The following SLC9B2 variants were observed in gnomAD, a reference collection of about 807,000 sequenced individuals.
SLC9B2 encodes solute carrier family 9 member B2, also known as sodium/hydrogen exchanger 9B2.
In SLC9B2, 39 loss-of-function variants were observed where a neutral mutation model predicts 52.2. The observed-to-expected ratio is 0.75, with a 90% CI of 0.58 to 0.98. SLC9B2 has a LOEUF of 0.98. SLC9B2 is among the 50% of genes least tolerant of loss of function. The probability of loss-of-function intolerance (pLI) is 0.00; values close to 1 mark genes in which losing one functional copy is unlikely to be tolerated. For missense variants in SLC9B2, 626 were observed against 637.5 expected, an observed-to-expected ratio of 0.98 and a Z score of 0.19; for synonymous variants, 214 against 227.0, an observed-to-expected ratio of 0.94 and a Z score of 0.51.
chr4:103,075,441 G>T (rs760851268), intron 1 of SLC9B2, among the ~76,000 whole-genome samples: 49 of 152,172 alleles, frequency 3.2e-4, no homozygotes, highest in Non-Finnish European at 1.9e-4. Context: ...GGTGTGATAG[G>T]CACAAGAGTA....
In SLC9B2 at chr4:103,024,056, G is replaced by A. The variant is rs1741998662; in HGVS notation, c.*2314C>T. Reference sequence around the variant, plus strand: ...GCTGTGCCTAAACTCCACCACCCTTGGATTGATTGAGTGCTCCTGCCATGA... The same window carrying A: ...GCTGTGCCTAAACTCCACCACCCTTAGATTGATTGAGTGCTCCTGCCATGA... On this transcript the variant is annotated 3_prime_UTR_variant, in exon 12 of 12. Transcript: ENST00000394785. Among the ~76,000 whole-genome samples, 2 of 152,050 alleles carry A rather than the reference G, an allele frequency of 1.3e-5. No individual in the cohort carries two copies. Among genetic ancestry groups the A allele is most frequent in the South Asian group, 4.1e-4 (2 of 4,824 alleles).
chr4:103,026,353 A>C lies in SLC9B2; in HGVS notation c.*17T>G, dbSNP rs773283171. On this transcript the variant is annotated 3_prime_UTR_variant, in exon 12 of 12. Transcript: ENST00000394785. ...CAGCTTTCTAAACATTATGTTCAGCACTCTCTCTTTTCACCTCTAAACTTG... is the reference window on the plus strand; with the variant it reads ...CAGCTTTCTAAACATTATGTTCAGCCCTCTCTCTTTTCACCTCTAAACTTG... 6.3e-7 allele frequency: 1 copy of C among 1,584,698 alleles called. No homozygotes were observed. The highest frequency in any genetic ancestry group is 8.6e-7 in the Non-Finnish European group (1 of 1,161,390).
At chr4:103,071,302 C>T (rs1215865262) in intron 1 of SLC9B2, among the ~76,000 whole-genome samples, 1 of 151,696 alleles carries the variant, frequency 6.6e-6, no homozygotes, top group Non-Finnish European at 1.5e-5. Context: ...CTCCTCGGTT[C>T]AAGTGATTCT....
downstream of SLC9B2, among the ~76,000 whole-genome samples, chr4:103,018,657 C>A (rs866988560): frequency 1.0e-5 from 1 of 98,566 alleles, no homozygotes; most frequent in Non-Finnish European, 1.9e-5. Context: ...CTCTAGGACA[C>A]CCATAGAGGG....
rs78982276 is a variant in SLC9B2 at position 103,024,268 on chromosome 4, G to A, written c.*2102C>T. 2.8e-3 allele frequency among the ~76,000 whole-genome samples: 419 copies of A among 152,220 alleles called. 3 individuals are homozygous for A. Among genetic ancestry groups the A allele is most frequent in the African/African-American group, 9.8e-3 (406 of 41,544 alleles). On this transcript the variant is annotated 3_prime_UTR_variant, in exon 12 of 12. Coordinates refer to ENST00000394785, the MANE Select transcript of SLC9B2 (RefSeq NM_178833.7). The stretch of plus-strand genomic sequence containing the variant: ...TATTTTTTGGATGCATCTACTTTTA[G>A]AGCCTGCAAAAATAGAGGACCAGAT...
intron 9 of SLC9B2, among the ~76,000 whole-genome samples, chr4:103,037,356 GGTTTT>G (rs1454425177): frequency 6.6e-6 from 1 of 152,150 alleles, no homozygotes; most frequent in African/African-American, 2.4e-5. Context: ...TGGTAAAATT[GGTTTT>G]GTTATTTGTC....
At position 103,057,866 on chromosome 4, in the gene SLC9B2, A is replaced by C. The variant is rs775500053; in HGVS notation, c.377T>G (p.Ile126Ser). The change falls in exon 4 of 12, where the codon ATC (isoleucine) becomes AGC (serine). Residue 126 changes from isoleucine (I) to serine (S), a missense_variant. Coordinates refer to ENST00000394785, the MANE Select transcript of SLC9B2 (RefSeq NM_178833.7). ...AAGCCCCAAAAGTTTACCACCAATGATGGCACAATAGAATAGGATTATAAT... is the reference window on the plus strand; with the variant it reads ...AAGCCCCAAAAGTTTACCACCAATGCTGGCACAATAGAATAGGATTATAAT... ...FGIIILFYCA[I>S]IGGKLLGLIK... is the part of the protein sequence containing the mutation. 14 of 1,613,788 alleles carry C rather than the reference A, an allele frequency of 8.7e-6. No individual in the cohort carries two copies. The highest frequency in any genetic ancestry group is 1.2e-5 in the Non-Finnish European group (14 of 1,179,934).
In SLC9B2 at chr4:103,028,901, T is replaced by C. The variant is rs534306608; in HGVS notation, c.1256-18A>G. The C allele has an allele frequency of 4.1e-5, 62 of 1,512,472 alleles. No individual in the cohort carries two copies. The Admixed American group carries it at 8.6e-4, about 21-fold the overall frequency. The allele number at this position is 1,512,472 out of a possible 1,614,324, so 93.7% of individuals were successfully genotyped here. On this transcript the variant is annotated intron_variant, in intron 10 of 11. Transcript: ENST00000394785. ...ACAAAGGCCTGTAAGAAATATTCAA[T>C]TTTTAGAAATAATAAAATACTAGGA...
intron 3 of SLC9B2, among the ~76,000 whole-genome samples, chr4:103,065,023 G>C (rs568092333): frequency 6.6e-6 from 1 of 151,972 alleles, no homozygotes; most frequent in Admixed American, 6.6e-5. Context: ...AGGAGTTCAA[G>C]ACAAACCTGG....
Position 103,044,946 on chromosome 4 carries a change from C to T in SLC9B2, c.940G>A (p.Val314Met), listed in dbSNP as rs753541127. 7.4e-6 allele frequency: 12 copies of T among 1,613,888 alleles called. No homozygotes were observed. Among genetic ancestry groups the T allele is most frequent in the South Asian group, 2.2e-5 (2 of 91,068 alleles). ...AATCCAAGAACAGATCCAGTTGCCA[C>T]ACCAATTACCACCTCCAAAACTCCT... is the stretch of plus-strand genomic sequence containing the variant. ...LRGVLEVVIG[V>M]ATGSVLGFFI... Residue 314 changes from valine to methionine, a missense_variant, in exon 8 of 12, where the codon GTG becomes ATG. Val to Met is a conservative substitution (Grantham distance 21). Transcript: ENST00000394785.
Position 103,026,586 on chromosome 4 carries a change from T to A in SLC9B2, c.1398A>T (p.Ala466=). Residue 466 remains alanine, a synonymous_variant, in exon 12 of 12, where the codon GCA becomes GCT. Coordinates refer to ENST00000394785, the MANE Select transcript of SLC9B2 (RefSeq NM_178833.7). ...AWLPKATVQA[A]IGSVALDTAR... ...CTGTGTCCAAAGCCACAGATCCTATTGCAGCCTATAAAAGTTTAAGGGTAA... is the reference window on the plus strand; with the variant it reads ...CTGTGTCCAAAGCCACAGATCCTATAGCAGCCTATAAAAGTTTAAGGGTAA... 2.5e-6 allele frequency: 4 copies of A among 1,610,192 alleles called. No individual in the cohort carries two copies. Among genetic ancestry groups the A allele is most frequent in the Non-Finnish European group, 3.4e-6 (4 of 1,177,652 alleles).
chr4:103,044,645 T>C (rs1308022823), intron 8 of SLC9B2, among the ~76,000 whole-genome samples: 1 of 152,226 alleles, frequency 6.6e-6, no homozygotes, highest in Non-Finnish European at 1.5e-5. Flanking sequence ...TTTGGAACGA[T>C]ATTATTTGTT....
At chr4:103,066,276 GC>G (rs780559894) in intron 3 of SLC9B2, 50 bp downstream of exon 3, 53 of 1,562,416 alleles carry the variant, frequency 3.4e-5, no homozygotes, top group Non-Finnish European at 4.2e-5. Context: ...TTAGTAATCT[GC>G]CATTATAACA....
At chr4:103,018,402 T>A (rs1393299772), downstream of SLC9B2, among the ~76,000 whole-genome samples, 9 of 152,024 alleles carry the variant, frequency 5.9e-5, no homozygotes, top group African/African-American at 1.7e-4. Flanking sequence ...AAAAGTAAGT[T>A]AAAAAAAATT....
At chr4:103,018,609 G>A (rs112133220), downstream of SLC9B2, among the ~76,000 whole-genome samples, 488 of 152,248 alleles carry the variant, frequency 3.2e-3, 5 homozygotes, top group Middle Eastern at 0.017. Context: ...ACCTGGGCCA[G>A]TTGTCTCCCC....
chr4:103,059,169 A>C (rs995809165), intron 3 of SLC9B2, among the ~76,000 whole-genome samples: 32 of 152,198 alleles, frequency 2.1e-4, no homozygotes, highest in Admixed American at 1.2e-3. Flanking sequence ...AGACCACTCA[A>C]AACTGGTGGC....
At chr4:103,046,761 C>CACACATCT (rs1214531191) in intron 7 of SLC9B2, among the ~76,000 whole-genome samples, 92 of 151,854 alleles carry the variant, frequency 6.1e-4, no homozygotes, top group East Asian at 1.2e-3. Flanking sequence ...TGTGTGAAGC[C>CACACATCT]TGAACGTTCC....
rs928832359 is a variant in SLC9B2 at position 103,053,129 on chromosome 4, T to C, written c.443-2747A>G. On this transcript the variant is annotated intron_variant, in intron 4 of 11. Coordinates refer to ENST00000394785, the MANE Select transcript of SLC9B2 (RefSeq NM_178833.7). ...AGTTTTTTTTTTATTATTTGTGTTA[T>C]GGAAATTTTTTCAATAATGATTTTT... is the stretch of plus-strand genomic sequence containing the variant. 3.3e-5 allele frequency among the ~76,000 whole-genome samples: 5 copies of C among 152,290 alleles called. No homozygotes were observed. In the East Asian group the frequency reaches 5.8e-4, roughly 18 times the overall value.
At chr4:103,064,768 T>C (rs1348649039) in intron 3 of SLC9B2, among the ~76,000 whole-genome samples, 1 of 152,164 alleles carries the variant, frequency 6.6e-6, no homozygotes, top group Non-Finnish European at 1.5e-5. Flanking sequence ...TACAAATATG[T>C]GTCAAAAATA....
Sources: allele counts gnomAD v4.1 joint callset (sites outside exome capture counted in the v4.1 genomes callset), GRCh38; gene constraint gnomAD v4.1.1; transcripts MANE v1.5; gene names NCBI Gene and HGNC (gene_info 2026-07-23, HGNC 2026-07-21).